EPHA5: variants seen among roughly 807,000 people sequenced by gnomAD.
EPHA5 encodes the protein ephrin type-A receptor 5.
EPHA5 carries 60 observed loss-of-function variants against 105.0 expected under a neutral mutation model. The ratio of observed to expected loss-of-function variants is 0.57; its 90% CI spans 0.46 to 0.71. The LOEUF is 0.71. EPHA5 is among the 30% of genes least tolerant of loss of function. The probability of loss-of-function intolerance (pLI) is 0.00; values close to 1 mark genes in which losing one functional copy is unlikely to be tolerated. For missense variants in EPHA5, 1,218 were observed against 1,274.7 expected (o/e 0.96, Z 0.68); for synonymous variants, 513 against 449.1 (o/e 1.14, Z -1.80).
At chr4:65,501,440 A>G (rs1329639222) in intron 3 of EPHA5, among the ~76,000 whole-genome samples, 1 of 151,740 alleles carries the variant, frequency 6.6e-6, no homozygotes, top group Non-Finnish European at 1.5e-5. Flanking sequence ...TATAAAAATC[A>G]GTAGCATTTC....
chr4:65,604,723 G>A (rs557745892), intron 2 of EPHA5, among the ~76,000 whole-genome samples: 2 of 132,706 alleles, frequency 1.5e-5, no homozygotes, highest in African/African-American at 5.2e-5. Flanking sequence ...CAAAAATCAG[G>A]TATGTAAAAA....
At chr4:65,552,323 G>A (rs550280556) in intron 3 of EPHA5, among the ~76,000 whole-genome samples, 2 of 152,266 alleles carry the variant, frequency 1.3e-5, no homozygotes, top group South Asian at 2.1e-4. Context: ...CTTTCCACAC[G>A]GTTTATCCGT....
chr4:65,420,317 C>T, intron 6 of EPHA5, 124 bp downstream of exon 6: 1 of 945,494 alleles, frequency 1.1e-6, no homozygotes, highest in Admixed American at 2.8e-5. Flanking sequence ...ATTATGACTG[C>T]AGAATCAATT....
intron 11 of EPHA5, among the ~76,000 whole-genome samples, chr4:65,357,541 T>C (rs1344642031): frequency 2.0e-5 from 3 of 151,502 alleles, no homozygotes; most frequent in African/African-American, 7.3e-5. Context: ...TATTTTTATA[T>C]ATGCTCATTA....
chr4:65,489,296 C>T (rs1046116394), intron 5 of EPHA5, among the ~76,000 whole-genome samples: 6 of 152,170 alleles, frequency 3.9e-5, no homozygotes, highest in Non-Finnish European at 7.4e-5. Flanking sequence ...TTGTAACCAA[C>T]AGCATTCCCA....
chr4:65,538,083 C>T (rs374740590), intron 3 of EPHA5, among the ~76,000 whole-genome samples: 13 of 151,836 alleles, frequency 8.6e-5, no homozygotes, highest in African/African-American at 2.4e-4. Context: ...GACTTGAATT[C>T]GTCATTGCTC....
At chr4:65,374,924 C>T (rs1386149285) in intron 8 of EPHA5, among the ~76,000 whole-genome samples, 1 of 151,780 alleles carries the variant, frequency 6.6e-6, no homozygotes, top group Admixed American at 6.6e-5. Context: ...TTTACTGACT[C>T]TCCTAGATAA....
At chr4:65,372,559 A>T (rs1181773520) in intron 8 of EPHA5, among the ~76,000 whole-genome samples, 1 of 151,876 alleles carries the variant, frequency 6.6e-6, no homozygotes. Context: ...CAACTAATCT[A>T]TTTTTACTTA....
At chr4:65,530,321 A>T (rs11936240) in intron 3 of EPHA5, among the ~76,000 whole-genome samples, 41,827 of 152,014 alleles carry the variant, frequency 0.28, 5,862 homozygotes, top group Middle Eastern at 0.34. Flanking sequence ...GAAAATAAAG[A>T]TTAAAGACTT....
At chr4:65,533,951 A>AAAG (rs1736061583) in intron 3 of EPHA5, among the ~76,000 whole-genome samples, 2 of 149,842 alleles carry the variant, frequency 1.3e-5, no homozygotes, top group Non-Finnish European at 3.0e-5. Context: ...ATAAATAAAT[A>AAAG]AAAGAAAGAA....
intron 3 of EPHA5, among the ~76,000 whole-genome samples, chr4:65,556,599 G>A (rs897026044): frequency 1.3e-5 from 2 of 152,122 alleles, no homozygotes; most frequent in African/African-American, 4.8e-5. Flanking sequence ...CAAGTCACAT[G>A]TGGAACAATT....
chr4:65,593,522 C>T (rs1314292501), intron 3 of EPHA5, among the ~76,000 whole-genome samples: 2 of 152,022 alleles, frequency 1.3e-5, no homozygotes, highest in Non-Finnish European at 2.9e-5. Context: ...AATGTAGATC[C>T]AGATTTAACA....
Position 65,517,940 on chromosome 4 carries a change from T to C in EPHA5, c.911-22397A>G, listed in dbSNP as rs144150806. On this transcript the variant is annotated intron_variant, in intron 3 of 16. Coordinates refer to ENST00000613740, the MANE Select transcript of EPHA5 (RefSeq NM_001281766.3). The stretch of plus-strand genomic sequence containing the variant: ...CATCTACTAAATTTACATTAAAATG[T>C]TTAACACCTCAAAATAATAAGATTT... 1.8e-4 allele frequency among the ~76,000 whole-genome samples: 27 copies of C among 152,074 alleles called. 1 individual carries two copies. The East Asian group carries it at 4.6e-3, about 26-fold the overall frequency.
intron 3 of EPHA5, among the ~76,000 whole-genome samples, chr4:65,580,848 A>G (rs1376622229): frequency 6.6e-6 from 1 of 151,728 alleles, no homozygotes; most frequent in African/African-American, 2.4e-5. Flanking sequence ...AAGAATTAAA[A>G]GATACAATGT....
intron 16 of EPHA5, among the ~76,000 whole-genome samples, chr4:65,325,886 T>C (rs1297453477): frequency 6.6e-6 from 1 of 151,088 alleles, no homozygotes; most frequent in Non-Finnish European, 1.5e-5. Context: ...CCTTGGCCTC[T>C]GCCCACTATA....
At chr4:65,529,681 A>C (rs1735577637) in intron 3 of EPHA5, among the ~76,000 whole-genome samples, 1 of 152,154 alleles carries the variant, frequency 6.6e-6, no homozygotes, top group South Asian at 2.1e-4. Flanking sequence ...TTCAACCCTG[A>C]ATCACATAAG....
intron 5 of EPHA5, among the ~76,000 whole-genome samples, chr4:65,453,243 A>G (rs1486444400): frequency 1.2e-4 from 19 of 152,232 alleles, no homozygotes; most frequent in Admixed American, 1.2e-3. Flanking sequence ...TGGAAAGTTA[A>G]CACAAATCTA....
At chr4:65,342,683 A>G (rs985359687) in intron 14 of EPHA5, among the ~76,000 whole-genome samples, 5 of 151,768 alleles carry the variant, frequency 3.3e-5, no homozygotes, top group Admixed American at 1.3e-4. Context: ...AACATATACA[A>G]TATACATAAA....
chr4:65,377,685 A>G (rs148382980), intron 8 of EPHA5, among the ~76,000 whole-genome samples: 19 of 152,136 alleles, frequency 1.2e-4, no homozygotes, highest in African/African-American at 3.6e-4. Context: ...AAAGCAAACT[A>G]TACAGAATAC....
Sources: allele counts gnomAD v4.1 joint callset (sites outside exome capture counted in the v4.1 genomes callset), GRCh38; gene constraint gnomAD v4.1.1; transcripts MANE v1.5; gene names NCBI Gene and HGNC (gene_info 2026-07-23, HGNC 2026-07-21).